FOXO3: variants seen among roughly 807,000 people sequenced by gnomAD.
FOXO3 encodes the protein forkhead box protein O3.
In FOXO3, 4 loss-of-function variants were observed where a neutral mutation model predicts 41.9. The ratio of observed to expected loss-of-function variants is 0.10; its 90% CI spans 0.05 to 0.22. FOXO3 has a LOEUF of 0.22. FOXO3 is among the 10% of genes least tolerant of loss of function. The pLI, the probability that FOXO3 is intolerant of heterozygous loss-of-function variation, is 1.00. For missense variants in FOXO3, 534 were observed against 906.8 expected (o/e 0.59, Z 5.28); for synonymous variants, 318 against 389.3 (o/e 0.82, Z 2.16).
At chr6:108,605,812 G>T (rs537261321) in intron 1 of FOXO3, among the ~76,000 whole-genome samples, 3 of 152,352 alleles carry the variant, frequency 2.0e-5, no homozygotes, top group African/African-American at 7.2e-5. Flanking sequence ...TGGAAATGCA[G>T]CATGAGGCAA....
intron 1 of FOXO3, among the ~76,000 whole-genome samples, chr6:108,574,152 CAAAAAAAAAA>C (rs1200932714): frequency 1.4e-5 from 1 of 72,800 alleles, no homozygotes; most frequent in Non-Finnish European, 2.8e-5. Flanking sequence ...GACTCTGTCT[CAAAAAAAAAA>C]AAAAAAAAAA....
chr6:108,662,964 G>C (rs996363048), intron 1 of FOXO3, among the ~76,000 whole-genome samples: 2 of 152,130 alleles, frequency 1.3e-5, no homozygotes, highest in African/African-American at 4.8e-5. Context: ...CTTCCCCCTA[G>C]ATATGAAAAC....
chr6:108,585,083 G>A (rs1170280296), intron 1 of FOXO3, among the ~76,000 whole-genome samples: 2 of 122,472 alleles, frequency 1.6e-5, no homozygotes, highest in African/African-American at 3.0e-5. Context: ...TGCCCAGGCC[G>A]GACTGCGGAC....
chr6:108,635,756 G>T (rs1778104819), intron 1 of FOXO3, among the ~76,000 whole-genome samples: 1 of 152,174 alleles, frequency 6.6e-6, no homozygotes, highest in Admixed American at 6.5e-5. Flanking sequence ...GAGGTGGATG[G>T]TGGTAAGTAA....
intron 1 of FOXO3, chr6:108,656,302 CCT>C (rs1248437800): frequency 2.1e-6 from 2 of 941,306 alleles, no homozygotes; most frequent in Middle Eastern, 5.4e-4. Flanking sequence ...CAGACAAAAA[CCT>C]CTCTGTGTTC....
chr6:108,583,328 G>T (rs1171983239), intron 1 of FOXO3, among the ~76,000 whole-genome samples: 1 of 152,210 alleles, frequency 6.6e-6, no homozygotes, highest in East Asian at 1.9e-4. Flanking sequence ...TTTGAACCTT[G>T]AAGAAGGATT....
intron 1 of FOXO3, among the ~76,000 whole-genome samples, chr6:108,567,428 A>G (rs1427932231): frequency 6.6e-6 from 1 of 152,166 alleles, no homozygotes; most frequent in African/African-American, 2.4e-5. Flanking sequence ...CCTGATGTAG[A>G]TCTGGCCTTC....
intron 1 of FOXO3, among the ~76,000 whole-genome samples, chr6:108,572,551 C>A (rs1776131975): frequency 6.6e-6 from 1 of 152,150 alleles, no homozygotes; most frequent in African/African-American, 2.4e-5. Context: ...CTTGTAGGTA[C>A]CCAGTAGGTG....
chr6:108,646,470 A>AT (rs921378492), intron 1 of FOXO3, among the ~76,000 whole-genome samples: 17 of 151,876 alleles, frequency 1.1e-4, no homozygotes, highest in Admixed American at 7.2e-4. Flanking sequence ...ACCAATCCAA[A>AT]TTTTTTTTTC....
chr6:108,589,688 A>C (rs544256067), intron 1 of FOXO3, among the ~76,000 whole-genome samples: 1 of 152,314 alleles, frequency 6.6e-6, no homozygotes, highest in East Asian at 1.9e-4. Context: ...CTGGCTGTTC[A>C]TGTGAGTTCC....
In FOXO3 at chr6:108,629,726, G is replaced by C. The variant is rs78156550; in HGVS notation, c.622-33729G>C. 1.7e-4 allele frequency among the ~76,000 whole-genome samples: 26 copies of C among 151,768 alleles called. No individual in the cohort carries two copies. In the East Asian group the frequency reaches 4.6e-3, roughly 27 times the overall value. On this transcript the variant is annotated intron_variant, in intron 1 of 2. Coordinates refer to ENST00000406360, the MANE Select transcript of FOXO3 (RefSeq NM_001455.4). Reference sequence around the variant, plus strand: ...TAAGAAAGGTATCTACTTTGTATGTGTTGTTCTCTGGCTTTTTATGAATAA... The same window carrying C: ...TAAGAAAGGTATCTACTTTGTATGTCTTGTTCTCTGGCTTTTTATGAATAA...
chr6:108,636,286 T>G (rs1167622089), intron 1 of FOXO3, among the ~76,000 whole-genome samples: 2 of 152,332 alleles, frequency 1.3e-5, no homozygotes, highest in African/African-American at 4.8e-5. Context: ...ACATCAAGTG[T>G]TAGTTTGATC....
At chr6:108,678,613 CAAAATA>C (rs1397005128) in intron 2 of FOXO3, among the ~76,000 whole-genome samples, 1 of 150,948 alleles carries the variant, frequency 6.6e-6, no homozygotes. Flanking sequence ...CCATTGAAGA[CAAAATA>C]ATAATTGGAG....
intron 1 of FOXO3, among the ~76,000 whole-genome samples, chr6:108,596,920 A>G (rs1041198711): frequency 6.6e-6 from 1 of 152,068 alleles, no homozygotes; most frequent in Admixed American, 6.6e-5. Flanking sequence ...AACAGAAAAC[A>G]GTTATCAGCA....
chr6:108,648,335 T>C (rs1480099208), intron 1 of FOXO3, among the ~76,000 whole-genome samples: 1 of 152,174 alleles, frequency 6.6e-6, no homozygotes, highest in African/African-American at 2.4e-5. Flanking sequence ...AACCTGCTGC[T>C]CACTTAGCTC....
chr6:108,642,404 A>G (rs1178898640), intron 1 of FOXO3, among the ~76,000 whole-genome samples: 1 of 152,066 alleles, frequency 6.6e-6, no homozygotes, highest in Non-Finnish European at 1.5e-5. Context: ...AATTATAAGA[A>G]GTATACTTAA....
chr6:108,620,265 A>C (rs17069665), intron 1 of FOXO3, among the ~76,000 whole-genome samples: 5 of 152,100 alleles, frequency 3.3e-5, no homozygotes, highest in African/African-American at 1.2e-4. Context: ...ACGTGGTTTC[A>C]TGTGCCTTTT....
At chr6:108,580,532 T>A (rs1024953376) in intron 1 of FOXO3, among the ~76,000 whole-genome samples, 2 of 152,204 alleles carry the variant, frequency 1.3e-5, no homozygotes, top group Non-Finnish European at 2.9e-5. Context: ...ACGAAACGGC[T>A]AAGTGACTTG....
chr6:108,574,420 T>C (rs963863340), intron 1 of FOXO3, among the ~76,000 whole-genome samples: 2 of 152,162 alleles, frequency 1.3e-5, no homozygotes, highest in African/African-American at 4.8e-5. Flanking sequence ...ATATCTGTGC[T>C]TTTTATAGGC....
Sources: gnomAD v4.1 joint callset for allele counts (sites outside exome capture counted in the v4.1 genomes callset) on GRCh38, gnomAD v4.1.1 for gene constraint, MANE v1.5 for transcripts, NCBI Gene and HGNC (gene_info 2026-07-23, HGNC 2026-07-21) for gene names.